LHFPL3: variants seen among roughly 807,000 people sequenced by gnomAD.
LHFPL3 encodes the protein LHFPL tetraspan subfamily member 3, also known as LHFPL tetraspan subfamily member 3 protein.
Under a neutral mutation model 19.3 loss-of-function variants are expected in LHFPL3, and 5 were observed. The ratio of observed to expected loss-of-function variants is 0.26; its 90% confidence interval spans 0.14 to 0.54. The LOEUF (loss-of-function observed/expected upper bound fraction) is 0.54. Among genes scored for constraint, LHFPL3 ranks in the 20% least tolerant of loss-of-function variants. The probability of loss-of-function intolerance (pLI) is 0.94; values close to 1 mark genes in which losing one functional copy is unlikely to be tolerated. For missense variants in LHFPL3, 249 were observed against 307.4 expected (o/e 0.81, Z 1.42); for synonymous variants, 133 against 126.2 (o/e 1.05, Z -0.36).
chr7:104,603,166 T>TCTTC (rs1791019026), intron 1 of LHFPL3, among the ~76,000 whole-genome samples: 1 of 16,428 alleles, frequency 6.1e-5, no homozygotes, highest in Non-Finnish European at 6.1e-4. Flanking sequence ...TTCCTTCCTT[T>TCTTC]CTTTCTTTCT....
rs533355706 is a variant in LHFPL3 at position 104,396,810 on chromosome 7, C to G, written c.445+67586C>G. On this transcript the variant is annotated intron_variant, in intron 1 of 2. Transcript: ENST00000424859. ...TGCCTCTACCAAAAACACACACACA[C>G]ACACACAAAATTCACTGGGCGTGAT... Among the ~76,000 whole-genome samples the G allele has an allele frequency of 3.9e-5, 6 of 152,004 alleles. No homozygotes were observed. In the South Asian group the frequency reaches 6.3e-4, roughly 16 times the overall value.
intron 1 of LHFPL3, among the ~76,000 whole-genome samples, chr7:104,364,232 CAA>C (rs1174926522): frequency 2.6e-5 from 4 of 152,160 alleles, no homozygotes; most frequent in Admixed American, 2.6e-4. Context: ...TGGCTATAGG[CAA>C]AGTTTGATGA....
At chr7:104,590,540 G>C (rs1483746969) in intron 1 of LHFPL3, among the ~76,000 whole-genome samples, 3 of 152,150 alleles carry the variant, frequency 2.0e-5, no homozygotes, top group Admixed American at 2.0e-4. Flanking sequence ...CAACTATGTG[G>C]TCAGTTTTGG....
intron 2 of LHFPL3, among the ~76,000 whole-genome samples, chr7:104,864,776 GAACA>G (rs1791688759): frequency 1.3e-5 from 2 of 152,350 alleles, no homozygotes; most frequent in Admixed American, 1.3e-4. Context: ...GGAGATCTGA[GAACA>G]GACAGACTGC....
At chr7:104,667,540 A>G (rs7801387) in intron 1 of LHFPL3, among the ~76,000 whole-genome samples, 65,349 of 152,058 alleles carry the variant, frequency 0.43, 14,646 homozygotes, top group East Asian at 0.75. Context: ...TGATGAACTT[A>G]TGGTTGGATT....
intron 1 of LHFPL3, among the ~76,000 whole-genome samples, chr7:104,606,866 A>T (rs148073991): frequency 6.6e-6 from 1 of 152,112 alleles, no homozygotes; most frequent in Non-Finnish European, 1.5e-5. Context: ...GTCCTCAGGC[A>T]CTGAGTCCGT....
intron 2 of LHFPL3, among the ~76,000 whole-genome samples, chr7:104,886,978 C>T (rs1182656927): frequency 1.3e-5 from 2 of 152,224 alleles, no homozygotes; most frequent in Non-Finnish European, 2.9e-5. Flanking sequence ...CAAAGAGGCT[C>T]ACTTGCTCTG....
chr7:104,579,170 T>C (rs760159907), intron 1 of LHFPL3, among the ~76,000 whole-genome samples: 1 of 152,216 alleles, frequency 6.6e-6, no homozygotes, highest in African/African-American at 2.4e-5. Context: ...TCTGTCTTTT[T>C]AATTTTAGAT....
intron 1 of LHFPL3, among the ~76,000 whole-genome samples, chr7:104,697,004 C>T (rs1173726666): frequency 1.3e-5 from 2 of 152,130 alleles, no homozygotes; most frequent in Non-Finnish European, 2.9e-5. Flanking sequence ...CTGGTGAGGG[C>T]ATGGTTTTTA....
chr7:104,494,868 C>A (rs987501808), intron 1 of LHFPL3, among the ~76,000 whole-genome samples: 8 of 152,122 alleles, frequency 5.3e-5, no homozygotes, highest in African/African-American at 1.9e-4. Flanking sequence ...ACACAACCCC[C>A]AGCTGGGGTA....
intron 1 of LHFPL3, among the ~76,000 whole-genome samples, chr7:104,676,357 G>A (rs1303704701): frequency 1.3e-5 from 2 of 152,154 alleles, no homozygotes; most frequent in African/African-American, 4.8e-5. Context: ...ATATGAACAA[G>A]TATGAAGTCA....
intron 1 of LHFPL3, among the ~76,000 whole-genome samples, chr7:104,625,595 C>T (rs1428815232): frequency 6.6e-6 from 1 of 152,052 alleles, no homozygotes; most frequent in Admixed American, 6.6e-5. Flanking sequence ...ACCATATTAT[C>T]CTCTTTATCA....
At chr7:104,433,551 A>G (rs1792040321) in intron 1 of LHFPL3, among the ~76,000 whole-genome samples, 1 of 151,906 alleles carries the variant, frequency 6.6e-6, no homozygotes, top group African/African-American at 2.4e-5. Context: ...ATCTCTCCAG[A>G]CTCATTTCCT....
intron 1 of LHFPL3, among the ~76,000 whole-genome samples, chr7:104,393,954 G>A (rs186869793): frequency 4.3e-4 from 65 of 152,272 alleles, no homozygotes; most frequent in Admixed American, 1.8e-3. Context: ...GGTAGGAGGA[G>A]TGGGAAATGA....
At chr7:104,688,230 A>C (rs796442495) in intron 1 of LHFPL3, among the ~76,000 whole-genome samples, 76 of 152,316 alleles carry the variant, frequency 5.0e-4, no homozygotes, top group African/African-American at 1.8e-3. Context: ...ACAAAAGAAA[A>C]GGATGAGCTC....
In LHFPL3 at chr7:104,399,205, C is replaced by T. The variant is rs563322741; in HGVS notation, c.445+69981C>T. 2.0e-5 allele frequency among the ~76,000 whole-genome samples: 3 copies of T among 152,074 alleles called. No individual in the cohort carries two copies. In the South Asian group the frequency reaches 6.2e-4, roughly 32 times the overall value. On this transcript the variant is annotated intron_variant, in intron 1 of 2. Coordinates refer to ENST00000424859, the MANE Select transcript of LHFPL3 (RefSeq NM_199000.3). The surrounding 1 kb of genome is among the most constrained non-coding windows in gnomAD (Gnocchi z 4.4). ...TGCCACCCCTGATGTCCTCTTACTT[C>T]CCTTGATATCGTAGGTTTCCAGCTG...
intron 1 of LHFPL3, among the ~76,000 whole-genome samples, chr7:104,727,907 C>G (rs1282092520): frequency 6.6e-6 from 1 of 152,088 alleles, no homozygotes; most frequent in East Asian, 1.9e-4. Context: ...TCTAGGCAAT[C>G]TTGTGTAACC....
At chr7:104,484,498 C>T (rs1793200762) in intron 1 of LHFPL3, among the ~76,000 whole-genome samples, 1 of 152,168 alleles carries the variant, frequency 6.6e-6, no homozygotes, top group Admixed American at 6.5e-5. Flanking sequence ...TGTTGAGCTC[C>T]TTGGCTTCTC....
intron 1 of LHFPL3, among the ~76,000 whole-genome samples, chr7:104,561,874 C>T (rs990470388): frequency 1.6e-4 from 25 of 152,062 alleles, no homozygotes; most frequent in African/African-American, 4.6e-4. Flanking sequence ...GTAAGGCAGG[C>T]CTGGTGGTGA....
Sources: gnomAD v4.1 joint callset for allele counts (sites outside exome capture counted in the v4.1 genomes callset) on GRCh38, gnomAD v4.1.1 for gene constraint, Gnocchi (gnomAD v3.1) non-coding constraint, MANE v1.5 for transcripts, NCBI Gene and HGNC (gene_info 2026-07-23, HGNC 2026-07-21) for gene names.